PTPRD: variants seen among roughly 807,000 people sequenced by gnomAD.
PTPRD encodes receptor-type tyrosine-protein phosphatase delta.
Under a neutral mutation model 214.5 loss-of-function variants are expected in PTPRD, and 34 were observed. The observed-to-expected ratio is 0.16, with a 90% CI of 0.12 to 0.21. The LOEUF (loss-of-function observed/expected upper bound fraction) is 0.21. PTPRD is among the 10% of genes least tolerant of loss of function. PTPRD has a pLI of 1.00. For missense variants in PTPRD, 2,545 were observed against 2,398.7 expected, an observed-to-expected ratio of 1.06 and a Z score of -1.27; for synonymous variants, 1,128 against 845.7, an observed-to-expected ratio of 1.33 and a Z score of -5.79.
At chr9:8,510,319 A>T (rs2097651740) in intron 21 of PTPRD, among the ~76,000 whole-genome samples, 1 of 151,948 alleles carries the variant, frequency 6.6e-6, no homozygotes, top group African/African-American at 2.4e-5. Context: ...ATAATAATAT[A>T]TAAAATAAAC....
chr9:10,185,742 T>G (rs958778948), intron 3 of PTPRD, among the ~76,000 whole-genome samples: 3 of 148,260 alleles, frequency 2.0e-5, no homozygotes, highest in Non-Finnish European at 3.0e-5. Flanking sequence ...GAACCAGCGG[T>G]TTTTTTTTTC....
At chr9:10,528,132 C>T (rs191476713) in intron 2 of PTPRD, among the ~76,000 whole-genome samples, 1 of 152,108 alleles carries the variant, frequency 6.6e-6, no homozygotes, top group Non-Finnish European at 1.5e-5. Flanking sequence ...ATGCAGATCT[C>T]TACAGTGAAT....
intron 11 of PTPRD, among the ~76,000 whole-genome samples, chr9:8,820,869 C>T (rs2097044383): frequency 1.3e-5 from 2 of 152,130 alleles, no homozygotes; most frequent in South Asian, 4.1e-4. Flanking sequence ...CTTTTCTACT[C>T]CCTACACGAC....
intron 5 of PTPRD, among the ~76,000 whole-genome samples, chr9:9,853,142 A>G (rs1210642865): frequency 6.6e-6 from 1 of 152,138 alleles, no homozygotes; most frequent in Non-Finnish European, 1.5e-5. Context: ...AGTGCTAAAT[A>G]TTTTCTGTAA....
chr9:10,238,449 T>A (rs1406431521), intron 3 of PTPRD, among the ~76,000 whole-genome samples: 1 of 151,814 alleles, frequency 6.6e-6, no homozygotes, highest in Non-Finnish European at 1.5e-5. Flanking sequence ...CTTCCAACCT[T>A]CTCCTTGTTC....
intron 10 of PTPRD, among the ~76,000 whole-genome samples, chr9:9,052,447 A>G (rs2099687926): frequency 6.6e-6 from 1 of 152,242 alleles, no homozygotes; most frequent in Non-Finnish European, 1.5e-5. Flanking sequence ...TTTGTGTCCC[A>G]TACATCCTTC....
At chr9:9,213,574 T>C (rs541737688) in intron 9 of PTPRD, among the ~76,000 whole-genome samples, 7 of 152,238 alleles carry the variant, frequency 4.6e-5, no homozygotes, top group Non-Finnish European at 2.9e-5. Flanking sequence ...GTCTGCCTCA[T>C]TTGGGAATCG....
intron 5 of PTPRD, among the ~76,000 whole-genome samples, chr9:9,806,720 C>G (rs1466610781): frequency 6.6e-6 from 1 of 152,298 alleles, no homozygotes; most frequent in African/African-American, 2.4e-5. Flanking sequence ...ACATGCCTAA[C>G]AGTGATCAGC....
At chr9:8,734,400 T>G (rs1053422015) in intron 11 of PTPRD, among the ~76,000 whole-genome samples, 1 of 152,262 alleles carries the variant, frequency 6.6e-6, no homozygotes, top group Non-Finnish European at 1.5e-5. Context: ...GCTGCTTTTT[T>G]GGCATCAGTT....
At chr9:9,947,585 A>ATT (rs1353000624) in intron 4 of PTPRD, among the ~76,000 whole-genome samples, 2 of 44,984 alleles carry the variant, frequency 4.4e-5, no homozygotes, top group African/African-American at 2.7e-4. Context: ...TTATATATAT[A>ATT]TTATATATAT....
At chr9:9,578,705 G>T (rs1473821598) in intron 7 of PTPRD, among the ~76,000 whole-genome samples, 1 of 151,998 alleles carries the variant, frequency 6.6e-6, no homozygotes. Flanking sequence ...GCTCAGAAAA[G>T]TTTCATATAT....
chr9:10,523,978 A>G (rs753527131), intron 2 of PTPRD, among the ~76,000 whole-genome samples: 1 of 152,052 alleles, frequency 6.6e-6, no homozygotes, highest in Admixed American at 6.6e-5. Flanking sequence ...TCTGCAAGCT[A>G]GAAGTCCAAG....
chr9:8,723,436 T>C (rs1393578675), intron 12 of PTPRD, among the ~76,000 whole-genome samples: 1 of 152,190 alleles, frequency 6.6e-6, no homozygotes, highest in African/African-American at 2.4e-5. Context: ...GTCACGCCGT[T>C]CAGTGACTTG....
intron 12 of PTPRD, 74 bp from the exon 13 acceptor site, chr9:8,636,918 C>G (rs1595796890): frequency 2.1e-6 from 3 of 1,458,088 alleles, no homozygotes; most frequent in Non-Finnish European, 2.8e-6. Context: ...CCGCTGCTCT[C>G]CCCACCATCC....
chr9:8,808,420 A>C (rs2096730584), intron 11 of PTPRD, among the ~76,000 whole-genome samples: 1 of 151,702 alleles, frequency 6.6e-6, no homozygotes, highest in African/African-American at 2.4e-5. Context: ...GAAACACCAA[A>C]TACAAAATTT....
chr9:8,495,753 C>T (rs1012349193), intron 26 of PTPRD, among the ~76,000 whole-genome samples: 4 of 152,128 alleles, frequency 2.6e-5, no homozygotes, highest in African/African-American at 7.2e-5. Flanking sequence ...AAGAAGTTTA[C>T]GGTCAAAAAT....
At chr9:10,159,746 G>C (rs1196932784) in intron 3 of PTPRD, among the ~76,000 whole-genome samples, 2 of 151,918 alleles carry the variant, frequency 1.3e-5, no homozygotes, top group Admixed American at 1.3e-4. Context: ...CTTAGTAACA[G>C]AATGGATCAA....
intron 10 of PTPRD, among the ~76,000 whole-genome samples, chr9:9,146,532 T>G (rs930607771): frequency 6.6e-6 from 1 of 152,174 alleles, no homozygotes; most frequent in East Asian, 1.9e-4. Flanking sequence ...CGTTTTTCTT[T>G]TTTTGATTAG....
rs369477374 is a variant in PTPRD, at chr9:8,994,153, C to T, written c.-104+24544G>A. Among the ~76,000 whole-genome samples the T allele has an allele frequency of 2.1e-4, 32 of 152,212 alleles. No individual in the cohort carries two copies. The East Asian group carries it at 6.0e-3, about 29-fold the overall frequency. On this transcript the variant is annotated intron_variant, in intron 11 of 45. Transcript: ENST00000381196. ...AACTTAAGGATCTCTGTTCTAGAAA[C>T]ATCTTCCCCTCTTTCTGTCTCAGTC...
Sources: gnomAD v4.1 joint callset for allele counts (sites outside exome capture counted in the v4.1 genomes callset) on GRCh38, gnomAD v4.1.1 for gene constraint, MANE v1.5 for transcripts, NCBI Gene and HGNC (gene_info 2026-07-23, HGNC 2026-07-21) for gene names.